The following EPB41L5 variants were observed in gnomAD, a reference collection of about 807,000 sequenced individuals.
The protein encoded by EPB41L5 is band 4.1-like protein 5.
In EPB41L5, 55 loss-of-function variants were observed where a neutral mutation model predicts 106.6. That is an observed-to-expected ratio of 0.52 (90% CI 0.42 to 0.65). The LOEUF (loss-of-function observed/expected upper bound fraction) is 0.65. Ranked by LOEUF, EPB41L5 falls within the 30% of genes least tolerant of loss-of-function variation. The pLI, the probability that EPB41L5 is intolerant of heterozygous loss-of-function variation, is 0.00. For synonymous variants in EPB41L5, 297 were observed against 306.7 expected, an observed-to-expected ratio of 0.97 and a Z score of 0.33; for missense variants, 871 against 882.1, an observed-to-expected ratio of 0.99 and a Z score of 0.16.
At chr2:120,166,183 C>G (rs984605327) in intron 22 of EPB41L5, among the ~76,000 whole-genome samples, 1 of 152,006 alleles carries the variant, frequency 6.6e-6, no homozygotes, top group African/African-American at 2.4e-5. Context: ...GGCCCCACCT[C>G]CAAGTTTCTA....
At chr2:120,122,411 A>G (rs1459872680) in intron 16 of EPB41L5, among the ~76,000 whole-genome samples, 1 of 152,212 alleles carries the variant, frequency 6.6e-6, no homozygotes, top group Non-Finnish European at 1.5e-5. Context: ...CAGTTTTCCC[A>G]GCACCGTTTA....
At chr2:120,112,928 A>C (rs532207310) in intron 16 of EPB41L5, among the ~76,000 whole-genome samples, 1 of 152,350 alleles carries the variant, frequency 6.6e-6, no homozygotes, top group African/African-American at 2.4e-5. Flanking sequence ...AAGACAGCTT[A>C]GTCCTAGAAC....
intron 14 of EPB41L5, among the ~76,000 whole-genome samples, chr2:120,100,031 A>G (rs2105394774): frequency 6.6e-6 from 1 of 152,362 alleles, no homozygotes; most frequent in Non-Finnish European, 1.5e-5. Context: ...CAAATGAGCA[A>G]CTATAGAAAA....
At chr2:120,071,778 C>T (rs1224705985) in intron 3 of EPB41L5, among the ~76,000 whole-genome samples, 1 of 152,142 alleles carries the variant, frequency 6.6e-6, no homozygotes, top group Non-Finnish European at 1.5e-5. Context: ...GAAATTAACT[C>T]AAGATGGATT....
At chr2:120,119,738 G>C (rs935525626) in intron 16 of EPB41L5, among the ~76,000 whole-genome samples, 2 of 151,980 alleles carry the variant, frequency 1.3e-5, no homozygotes, top group African/African-American at 4.8e-5. Context: ...CATAAATATA[G>C]GCGATCAGAA....
intron 3 of EPB41L5, among the ~76,000 whole-genome samples, chr2:120,049,507 A>G (rs1213207855): frequency 2.0e-5 from 3 of 150,122 alleles, no homozygotes; most frequent in Admixed American, 2.0e-4. Context: ...TTTGTTTTCC[A>G]TTTGCTTGGT....
chr2:120,061,177 A>G (rs1681033999), intron 3 of EPB41L5, among the ~76,000 whole-genome samples: 1 of 149,814 alleles, frequency 6.7e-6, no homozygotes, highest in East Asian at 2.0e-4. Context: ...AGTAGCCAGG[A>G]CTACAGGCAC....
chr2:120,039,573 C>T (rs1679259385), intron 2 of EPB41L5, among the ~76,000 whole-genome samples: 1 of 151,976 alleles, frequency 6.6e-6, no homozygotes, highest in Admixed American at 6.6e-5. Context: ...CACCTGTAAT[C>T]CCAGCACTTT....
chr2:120,123,865 C>T (rs550184180), intron 16 of EPB41L5, among the ~76,000 whole-genome samples: 1 of 151,820 alleles, frequency 6.6e-6, no homozygotes, highest in African/African-American at 2.4e-5. Context: ...GCCATGTTGC[C>T]CAGGCTGGTC....
At chr2:120,049,108 T>C (rs1380363024) in intron 3 of EPB41L5, among the ~76,000 whole-genome samples, 1 of 152,144 alleles carries the variant, frequency 6.6e-6, no homozygotes, top group Non-Finnish European at 1.5e-5. Context: ...GGAGTAAGTG[T>C]GATGTGGTGC....
intron 17 of EPB41L5, among the ~76,000 whole-genome samples, chr2:120,128,318 A>T (rs912718834): frequency 1.3e-5 from 2 of 149,768 alleles, no homozygotes; most frequent in Non-Finnish European, 2.9e-5. Context: ...GGAGACAGTA[A>T]ATCTCTCATT....
At chr2:120,156,716 G>A (rs1014297086) in intron 20 of EPB41L5, among the ~76,000 whole-genome samples, 6 of 152,148 alleles carry the variant, frequency 3.9e-5, no homozygotes, top group Non-Finnish European at 8.8e-5. Context: ...ACAGTAAAGG[G>A]TTCAGTTCAA....
intron 20 of EPB41L5, chr2:120,160,643 A>G (rs781417195): frequency 1.4e-4 from 62 of 446,416 alleles, no homozygotes; most frequent in South Asian, 3.6e-4. Context: ...TACCCTTTCT[A>G]TGGGTCCTCA....
chr2:120,071,158 A>C (rs925115512), intron 3 of EPB41L5, among the ~76,000 whole-genome samples: 4 of 152,230 alleles, frequency 2.6e-5, no homozygotes, highest in Admixed American at 1.3e-4. Context: ...TACAAAGTCA[A>C]TGTGCAAAAA....
At chr2:120,027,055 T>C (rs1232088901) in intron 2 of EPB41L5, among the ~76,000 whole-genome samples, 1 of 152,166 alleles carries the variant, frequency 6.6e-6, no homozygotes, top group African/African-American at 2.4e-5. Flanking sequence ...TCAGATAATA[T>C]TAAGTGTTGG....
chr2:120,127,908 G>A (rs1685530762), intron 17 of EPB41L5, 57 bp downstream of exon 17: 1 of 1,414,084 alleles, frequency 7.1e-7, no homozygotes, highest in African/African-American at 1.4e-5. Flanking sequence ...TTTGAAATAA[G>A]ATATTTAAAT....
At chr2:120,051,632 C>A (rs1262744612) in intron 3 of EPB41L5, among the ~76,000 whole-genome samples, 1 of 152,226 alleles carries the variant, frequency 6.6e-6, no homozygotes. Context: ...TTCCCTGACT[C>A]CTTGCGCTTC....
In EPB41L5 at chr2:120,162,794, G is replaced by A. The variant is rs552189494; in HGVS notation, c.1887+1820G>A. On this transcript the variant is annotated intron_variant, in intron 21 of 24. Transcript: ENST00000263713. ...GGGAGAGAGAATCGTAATACATTGT[G>A]GTAGACTTGCACAAGCTGTTATGGT... Among the ~76,000 whole-genome samples the A allele has an allele frequency of 1.4e-3, 218 of 152,290 alleles. 1 individual carries two copies. Among genetic ancestry groups the A allele is most frequent in the Middle Eastern group, 6.8e-3 (2 of 294 alleles).
At chr2:120,173,912 T>C (rs1687810008) in intron 24 of EPB41L5, among the ~76,000 whole-genome samples, 1 of 152,192 alleles carries the variant, frequency 6.6e-6, no homozygotes, top group Admixed American at 6.5e-5. Context: ...CCCGAACTCC[T>C]GGTCTCAGTG....
Sources: gnomAD v4.1 joint callset for allele counts (sites outside exome capture counted in the v4.1 genomes callset) on GRCh38, gnomAD v4.1.1 for gene constraint, MANE v1.5 for transcripts, NCBI Gene and HGNC (gene_info 2026-07-23, HGNC 2026-07-21) for gene names.